ARSB: variants seen among roughly 807,000 people sequenced by gnomAD.
ARSB encodes N-acetylgalactosamine-4-sulfatase.
Under a neutral mutation model 50.9 loss-of-function variants are expected in ARSB, and 41 were observed. The observed-to-expected ratio is 0.81, with a 90% CI of 0.63 to 1.04. The LOEUF (loss-of-function observed/expected upper bound fraction) is 1.04. Among genes scored for constraint, ARSB ranks in the 50% least tolerant of loss-of-function variants. ARSB has a pLI of 0.00. For missense variants in ARSB, 672 were observed against 693.3 expected (o/e 0.97, Z 0.35); for synonymous variants, 269 against 284.8 (o/e 0.94, Z 0.56).
At chr5:78,959,737 A>G (rs777233461) in intron 3 of ARSB, among the ~76,000 whole-genome samples, 1 of 152,262 alleles carries the variant, frequency 6.6e-6, no homozygotes, top group Non-Finnish European at 1.5e-5. Context: ...ATGAAATATT[A>G]TAACTCATTC....
chr5:78,851,968 T>A (rs1315556402), intron 5 of ARSB, among the ~76,000 whole-genome samples: 4 of 152,190 alleles, frequency 2.6e-5, no homozygotes, highest in Admixed American at 6.5e-5. Context: ...GCACATGAGA[T>A]GGGTTTCCTG....
chr5:78,985,102 G>A lies in ARSB; in HGVS notation c.147C>T (p.Phe49=). The change falls in exon 1 of 8, where the codon TTC becomes TTT. Residue 49 remains phenylalanine, a synonymous_variant. Transcript: ENST00000264914. The stretch of plus-strand genomic sequence containing the variant: ...TCCAGCCTAGGTCGTCTGCCAGCAA[G>A]AAGACCAGGTGGGGCGGCCGGCTGG... ...AGASRPPHLV[F]LLADDLGWND... 6.6e-7 allele frequency: 1 copy of A among 1,520,836 alleles called. No individual in the cohort carries two copies. The highest frequency in any genetic ancestry group is 8.8e-7 in the Non-Finnish European group (1 of 1,133,022). The allele number at this position is 1,520,836 out of a possible 1,614,324, so 94.2% of individuals were successfully genotyped here.
chr5:78,861,154 C>T (rs556375340), intron 5 of ARSB, among the ~76,000 whole-genome samples: 10 of 152,142 alleles, frequency 6.6e-5, no homozygotes, highest in South Asian at 2.1e-4. Context: ...CAGGACCAGA[C>T]GGATTCACAG....
chr5:78,899,044 C>T (rs779050973), intron 4 of ARSB, among the ~76,000 whole-genome samples: 1 of 152,060 alleles, frequency 6.6e-6, no homozygotes, highest in Non-Finnish European at 1.5e-5. Context: ...TTTTATCTCT[C>T]CTTTATATTT....
At position 78,955,945 on chromosome 5, in the gene ARSB, T is replaced by C. The variant is rs539920610; in HGVS notation, c.691-443A>G. ...ATTCATTACTAGCAGGAATGTAAAA[T>C]GGCACACATAGCCACTTTGAAGAAA... is the stretch of plus-strand genomic sequence containing the variant. On this transcript the variant is annotated intron_variant, in intron 3 of 7. Coordinates refer to ENST00000264914, the MANE Select transcript of ARSB (RefSeq NM_000046.5). Among the ~76,000 whole-genome samples, 8 of 152,326 alleles carry C rather than the reference T, an allele frequency of 5.3e-5. No homozygotes were observed. The South Asian group carries it at 1.7e-3, about 32-fold the overall frequency.
At chr5:78,847,699 T>A (rs1445694465) in intron 5 of ARSB, among the ~76,000 whole-genome samples, 1 of 152,188 alleles carries the variant, frequency 6.6e-6, no homozygotes, top group Non-Finnish European at 1.5e-5. Flanking sequence ...CCTGGGCTTC[T>A]CTTCAATGGG....
At chr5:78,913,346 G>T (rs1190507001) in intron 4 of ARSB, among the ~76,000 whole-genome samples, 1 of 152,010 alleles carries the variant, frequency 6.6e-6, no homozygotes. Flanking sequence ...GGATGGTCTC[G>T]ATCTCCTGAC....
intron 6 of ARSB, among the ~76,000 whole-genome samples, chr5:78,792,142 G>T (rs1253121264): frequency 1.3e-5 from 2 of 152,176 alleles, no homozygotes; most frequent in African/African-American, 4.8e-5. Flanking sequence ...ACTTTGGGAG[G>T]CTGAGGCGGG....
At chr5:78,836,047 C>T (rs1348223351) in intron 6 of ARSB, among the ~76,000 whole-genome samples, 1 of 152,238 alleles carries the variant, frequency 6.6e-6, no homozygotes, top group African/African-American at 2.4e-5. Flanking sequence ...CCAGACTTGG[C>T]TGTCCCCTAA....
Position 78,832,352 on chromosome 5 carries a change from G to A in ARSB, c.1213+7004C>T, listed in dbSNP as rs188402979. Among the ~76,000 whole-genome samples, 7 of 152,282 alleles carry A rather than the reference G, an allele frequency of 4.6e-5. No individual in the cohort carries two copies. In the East Asian group the frequency reaches 1.4e-3, roughly 29 times the overall value. On this transcript the variant is annotated intron_variant, in intron 6 of 7. Transcript: ENST00000264914. ...ACCACCAACAGCCTTCCAGCAGGGT[G>A]GGGAGAGGCTGTGTCCATGCCCTCT...
intron 5 of ARSB, among the ~76,000 whole-genome samples, chr5:78,873,672 T>G (rs986978695): frequency 2.3e-4 from 34 of 150,832 alleles, no homozygotes; most frequent in Non-Finnish European, 4.3e-4. Context: ...ATTTTTTGTA[T>G]TTTTAGTAGA....
chr5:78,915,876 C>A (rs546728525), intron 4 of ARSB, among the ~76,000 whole-genome samples: 1 of 152,224 alleles, frequency 6.6e-6, no homozygotes, highest in Admixed American at 6.5e-5. Context: ...ACGTGTGGAA[C>A]CTTCCACTTG....
At chr5:78,790,401 GA>G (rs1749205137) in intron 6 of ARSB, among the ~76,000 whole-genome samples, 1 of 152,132 alleles carries the variant, frequency 6.6e-6, no homozygotes, top group Non-Finnish European at 1.5e-5. Context: ...ACAGCATATA[GA>G]AAGTGCGCAG....
intron 4 of ARSB, among the ~76,000 whole-genome samples, chr5:78,907,504 G>T (rs1270516481): frequency 2.0e-5 from 3 of 152,190 alleles, no homozygotes; most frequent in Non-Finnish European, 4.4e-5. Flanking sequence ...TCAGCTGGTT[G>T]CTGGTTTTGC....
At chr5:78,848,517 A>G (rs1283375970) in intron 5 of ARSB, among the ~76,000 whole-genome samples, 1 of 151,426 alleles carries the variant, frequency 6.6e-6, no homozygotes, top group East Asian at 1.9e-4. Context: ...TAGTGCCGCA[A>G]TAAACATACG....
rs118179640 is a variant in ARSB at position 78,900,309 on chromosome 5, T to G, written c.899-14482A>C. ...GGATGGTAGTCTCACCTTCTGACCT[T>G]TGTTGCAGCCTGTCCTCAGAGATAT... On this transcript the variant is annotated intron_variant, in intron 4 of 7. Transcript: ENST00000264914. Among the ~76,000 whole-genome samples, 408 of 152,302 alleles carry G rather than the reference T, an allele frequency of 2.7e-3. 5 individuals carry two copies. The East Asian group carries it at 0.036, about 13-fold the overall frequency.
chr5:78,947,833 C>T lies in ARSB; in HGVS notation c.898+7462G>A, dbSNP rs536333214. Among the ~76,000 whole-genome samples, 6 of 152,262 alleles carry T rather than the reference C, an allele frequency of 3.9e-5. No individual in the cohort carries two copies. In the East Asian group the frequency reaches 1.2e-3, roughly 29 times the overall value. ...GTATATCAAACATACACTTGCACTG[C>T]CATGTTTATTGCAGCACTATTCACA... On this transcript the variant is annotated intron_variant, in intron 4 of 7. Transcript: ENST00000264914.
At position 78,780,406 on chromosome 5, in the gene ARSB, A is replaced by G; in HGVS notation, c.1593T>C (p.Pro531=). 1 of 1,614,086 alleles carries G rather than the reference A, an allele frequency of 6.2e-7. No individual in the cohort carries two copies. The highest frequency in any genetic ancestry group is 8.5e-7 in the Non-Finnish European group (1 of 1,180,006). The change falls in exon 8 of 8, where the codon CCT becomes CCC. Residue 531 remains proline (P), a synonymous_variant. Transcript: ENST00000264914. ...TAGCCTCCCTGAAATCCTACATCCA[A>G]GGGCCCCACACCCCAGTGGCCTTGG... is the stretch of plus-strand genomic sequence containing the variant. ...CDPKATGVWG[P]WM
intron 4 of ARSB, among the ~76,000 whole-genome samples, chr5:78,909,946 T>C (rs1201960698): frequency 1.3e-5 from 2 of 152,216 alleles, no homozygotes; most frequent in Admixed American, 6.5e-5. Flanking sequence ...AGCCGCCCTG[T>C]GGCGGGAGGC....
Sources: allele counts gnomAD v4.1 joint callset (sites outside exome capture counted in the v4.1 genomes callset), GRCh38; gene constraint gnomAD v4.1.1; transcripts MANE v1.5; gene names NCBI Gene and HGNC (gene_info 2026-07-23, HGNC 2026-07-21).